Variants in RSBN1L observed in about 807,000 individuals in gnomAD.
RSBN1L encodes lysine-specific demethylase RSBN1L.
RSBN1L carries 30 observed loss-of-function variants against 67.7 expected under a neutral mutation model. The observed-to-expected ratio is 0.44, with a 90% CI of 0.33 to 0.60. RSBN1L has a LOEUF of 0.60. Among genes scored for constraint, RSBN1L ranks in the 20% least tolerant of loss-of-function variants. The pLI, the probability that RSBN1L is intolerant of heterozygous loss-of-function variation, is 0.02. For missense variants in RSBN1L, 992 were observed against 1,031.7 expected (o/e 0.96, Z 0.53); for synonymous variants, 433 against 387.0 (o/e 1.12, Z -1.39).
Position 77,696,821 on chromosome 7 carries a change from G to T in RSBN1L, c.352G>T (p.Ala118Ser), listed in dbSNP as rs759752301. ...AGTAVPSSAS[A>S]SLSQPVPRKL... ...CACGGCCGTTCCCTCCTCAGCCTCC[G>T]CTTCCTTGTCTCAGCCGGTGCCGCG... is the stretch of plus-strand genomic sequence containing the variant. The change falls in exon 1 of 8, where the codon GCT becomes TCT. Residue 118 changes from alanine to serine, a missense_variant. Coordinates refer to ENST00000334955, the MANE Select transcript of RSBN1L (RefSeq NM_198467.3). 6.2e-7 allele frequency: 1 copy of T among 1,613,548 alleles called. No individual in the cohort carries two copies. Among genetic ancestry groups the T allele is most frequent in the South Asian group, 1.1e-5 (1 of 91,068 alleles).
intron 1 of RSBN1L, among the ~76,000 whole-genome samples, chr7:77,712,693 A>G: frequency 6.6e-6 from 1 of 152,230 alleles, no homozygotes; most frequent in East Asian, 1.9e-4. Flanking sequence ...GAACTATATT[A>G]TCAATTTTAA....
intron 3 of RSBN1L, among the ~76,000 whole-genome samples, chr7:77,756,884 ATTTTC>A (rs1451261934): frequency 6.6e-6 from 1 of 152,132 alleles, no homozygotes; most frequent in Non-Finnish European, 1.5e-5. Flanking sequence ...TGTGTTTTGT[ATTTTC>A]TTATATAATG....
At position 77,749,698 on chromosome 7, in the gene RSBN1L, C is replaced by A. The variant is rs769495415; in HGVS notation, c.978C>A (p.Val326=). 9.9e-6 allele frequency: 16 copies of A among 1,614,102 alleles called. No individual in the cohort carries two copies. The South Asian group carries it at 1.8e-4, about 18-fold the overall frequency. The change falls in exon 3 of 8, where the codon GTC becomes GTA. Residue 326 remains valine, a synonymous_variant. Transcript: ENST00000334955. ...CAGAGAACAGTGAGTTTCCATTTGT[C>A]TCATTAAAGGAGCCACGAGTTCAGA... ...KIPENSEFPF[V]SLKEPRVQNN...
chr7:77,703,530 C>A lies in RSBN1L; in HGVS notation c.586+6475C>A, dbSNP rs529598434. Among the ~76,000 whole-genome samples, 24 of 116,330 alleles carry A rather than the reference C, an allele frequency of 2.1e-4. No homozygotes were observed. In the South Asian group the frequency reaches 6.8e-3, roughly 33 times the overall value. 76.3% of individuals were successfully genotyped at this position (116,330 alleles called of 152,430 possible). The stretch of plus-strand genomic sequence containing the variant: ...TTTGAGAAGGACTCTCACTATTTCA[C>A]CCAGGCTGGAGTGCAGTGGCACAAT... On this transcript the variant is annotated intron_variant, in intron 1 of 7. Coordinates refer to ENST00000334955, the MANE Select transcript of RSBN1L (RefSeq NM_198467.3).
rs371919216 is a variant in RSBN1L at position 77,696,492 on chromosome 7, T to G, written c.23T>G (p.Val8Gly). Reference sequence around the variant, plus strand: ...AAAATGGCGGAACCGCCGAGCCCCGTGCACTGTGTCGCTGCCGCGGCCCCC... The same window carrying G: ...AAAATGGCGGAACCGCCGAGCCCCGGGCACTGTGTCGCTGCCGCGGCCCCC... MAEPPSP[V>G]HCVAAAAPTA... Residue 8 changes from valine to glycine, a missense_variant, in exon 1 of 8, where the codon GTG (valine) becomes GGG (glycine). Val to Gly is a moderately radical substitution (Grantham distance 109). Transcript: ENST00000334955. 12 of 1,613,044 alleles carry G rather than the reference T, an allele frequency of 7.4e-6. No homozygotes were observed. In the Admixed American group the frequency reaches 1.5e-4, roughly 20 times the overall value.
chr7:77,710,618 TAG>T (rs1219968351), intron 1 of RSBN1L, among the ~76,000 whole-genome samples: 5 of 152,100 alleles, frequency 3.3e-5, no homozygotes, highest in African/African-American at 1.2e-4. Context: ...TTTTTTGAGA[TAG>T]AGTCTCGCTC....
chr7:77,779,219 A>G lies in RSBN1L; in HGVS notation c.*51A>G, dbSNP rs750869582. Reference sequence around the variant, plus strand: ...TTTTTAAAAAAATTTAATGTAATAAAGATTCATGAATTCTGAAAGCAAGCC... The same window carrying G: ...TTTTTAAAAAAATTTAATGTAATAAGGATTCATGAATTCTGAAAGCAAGCC... On this transcript the variant is annotated 3_prime_UTR_variant, in exon 8 of 8. Coordinates refer to ENST00000334955, the MANE Select transcript of RSBN1L (RefSeq NM_198467.3). The G allele has an allele frequency of 1.2e-5, 15 of 1,294,636 alleles. No individual in the cohort carries two copies. Among genetic ancestry groups the G allele is most frequent in the Non-Finnish European group, 1.6e-5 (15 of 944,084 alleles). The allele number at this position is 1,294,636 out of a possible 1,614,324, so 80.2% of individuals were successfully genotyped here. A position where few individuals can be genotyped will look rare whatever the true frequency, so the allele number is the denominator to read the frequency against.
chr7:77,733,096 C>G (rs1475945659), intron 1 of RSBN1L, among the ~76,000 whole-genome samples: 1 of 151,880 alleles, frequency 6.6e-6, no homozygotes, highest in Non-Finnish European at 1.5e-5. Context: ...GAGTTCGAGA[C>G]CAACCTCAGC....
intron 1 of RSBN1L, among the ~76,000 whole-genome samples, chr7:77,700,879 G>A (rs60293809): frequency 0.1 from 15,444 of 152,000 alleles, 1,102 homozygotes; most frequent in African/African-American, 0.19. Flanking sequence ...TTCTGGGGCC[G>A]GGCGCGGTGG....
chr7:77,767,068 C>CTTCCCTTCCCCTTCCCCTTCCCTTTCCCT (rs1265022743), intron 4 of RSBN1L, among the ~76,000 whole-genome samples: 1 of 132,736 alleles, frequency 7.5e-6, no homozygotes, highest in African/African-American at 3.0e-5. Flanking sequence ...TCCCTTTCCC[C>CTTCCCTTCCCCTTCCCCTTCCCTTTCCCT]TTCCCTTCCC....
intron 5 of RSBN1L, among the ~76,000 whole-genome samples, chr7:77,770,963 G>A (rs1326493682): frequency 4.6e-5 from 7 of 152,250 alleles, no homozygotes; most frequent in Admixed American, 3.3e-4. Context: ...TTGTTTTTGA[G>A]ACTGAGTCTT....
At chr7:77,698,614 G>A (rs1262965516) in intron 1 of RSBN1L, among the ~76,000 whole-genome samples, 1 of 152,190 alleles carries the variant, frequency 6.6e-6, no homozygotes, top group Non-Finnish European at 1.5e-5. Flanking sequence ...TGAAATGGCT[G>A]TTAAAGAGGA....
chr7:77,747,681 G>A (rs1185959945), intron 2 of RSBN1L, among the ~76,000 whole-genome samples: 1 of 152,228 alleles, frequency 6.6e-6, no homozygotes, highest in East Asian at 1.9e-4. Context: ...GCCTGCTAAA[G>A]GAATGGAGCT....
chr7:77,776,232 T>C (rs76207668), intron 6 of RSBN1L, among the ~76,000 whole-genome samples: 2 of 119,986 alleles, frequency 1.7e-5, no homozygotes, highest in African/African-American at 8.0e-5. Context: ...CCTGTCAGTT[T>C]TTCTAGGTTT....
At chr7:77,731,390 C>T (rs1033553655) in intron 1 of RSBN1L, among the ~76,000 whole-genome samples, 18 of 152,054 alleles carry the variant, frequency 1.2e-4, no homozygotes, top group African/African-American at 3.9e-4. Flanking sequence ...CACGCACCAC[C>T]GTGCCCAGCT....
intron 1 of RSBN1L, among the ~76,000 whole-genome samples, chr7:77,715,958 A>G (rs899167196): frequency 1.3e-5 from 2 of 152,178 alleles, no homozygotes; most frequent in Admixed American, 6.5e-5. Context: ...CTTATTATCA[A>G]ATTGTGAAAG....
intron 1 of RSBN1L, among the ~76,000 whole-genome samples, chr7:77,721,990 A>G (rs899336767): frequency 2.0e-4 from 30 of 152,214 alleles, no homozygotes; most frequent in African/African-American, 7.2e-4. Flanking sequence ...AGGGAAAAAA[A>G]GATGGAAATA....
At chr7:77,766,001 C>T (rs1178663463) in intron 4 of RSBN1L, among the ~76,000 whole-genome samples, 2 of 152,146 alleles carry the variant, frequency 1.3e-5, no homozygotes, top group Non-Finnish European at 2.9e-5. Context: ...GATTCTACTA[C>T]AAATGTTTAA....
At position 77,749,798 on chromosome 7, in the gene RSBN1L, T is replaced by TC. The variant is rs1791530642; in HGVS notation, c.1079dup (p.Val361GlyfsTer7). ...AGAGCACCAGCCTAATGGAGGTGCA[T>TC]CGGTTATCCATGCCTACAGTAACGA... On this transcript the variant is annotated frameshift_variant, in exon 3 of 8. Coordinates refer to ENST00000334955, the MANE Select transcript of RSBN1L (RefSeq NM_198467.3). LOFTEE classifies it high-confidence loss of function. The TC allele has an allele frequency of 6.2e-7, 1 of 1,614,074 alleles. No homozygotes were observed. The highest frequency in any genetic ancestry group is 8.5e-7 in the Non-Finnish European group (1 of 1,180,042).
Sources: allele counts gnomAD v4.1 joint callset (sites outside exome capture counted in the v4.1 genomes callset), GRCh38; gene constraint gnomAD v4.1.1; transcripts MANE v1.5; gene names NCBI Gene and HGNC (gene_info 2026-07-23, HGNC 2026-07-21).